Variants in ERBB4 observed in about 807,000 individuals in gnomAD.
ERBB4 encodes the protein erb-b2 receptor tyrosine kinase 4.
A neutral mutation model predicts 158.0 loss-of-function variants in ERBB4; 42 were observed. That is an observed-to-expected ratio of 0.27 (90% confidence interval 0.21 to 0.34). The LOEUF is 0.34. ERBB4 is among the 10% of genes least tolerant of loss of function. The pLI is 1.00. For missense variants in ERBB4, 1,333 were observed against 1,624.1 expected (o/e 0.82, Z 3.08); for synonymous variants, 583 against 558.7 (o/e 1.04, Z -0.61).
chr2:211,481,649 C>T (rs182003046), intron 20 of ERBB4, among the ~76,000 whole-genome samples: 2 of 151,792 alleles, frequency 1.3e-5, no homozygotes, highest in East Asian at 3.9e-4. Flanking sequence ...TGAGGAGCTG[C>T]TTCTTAAGTG....
chr2:212,327,493 CAGTT>C (rs1167348064), intron 1 of ERBB4, among the ~76,000 whole-genome samples: 2 of 151,704 alleles, frequency 1.3e-5, no homozygotes, highest in African/African-American at 2.4e-5. Context: ...AACCCAGACT[CAGTT>C]AGTGCTCAAG....
chr2:211,884,150 A>G (rs1488152797), intron 3 of ERBB4, among the ~76,000 whole-genome samples: 2 of 152,168 alleles, frequency 1.3e-5, no homozygotes, highest in Non-Finnish European at 2.9e-5. Flanking sequence ...AAACACCTGC[A>G]TCTAATAGCA....
intron 20 of ERBB4, among the ~76,000 whole-genome samples, chr2:211,493,873 C>G (rs1455261169): frequency 6.6e-6 from 1 of 152,112 alleles, no homozygotes; most frequent in Non-Finnish European, 1.5e-5. Context: ...ATCTCAGAAT[C>G]TGATAAAAAC....
At chr2:211,928,095 C>T (rs985025572) in intron 3 of ERBB4, among the ~76,000 whole-genome samples, 3 of 152,008 alleles carry the variant, frequency 2.0e-5, no homozygotes, top group African/African-American at 7.2e-5. Flanking sequence ...ACGTAGGTCA[C>T]GCACCTGGAA....
chr2:211,520,578 G>A (rs10804196), intron 20 of ERBB4, among the ~76,000 whole-genome samples: 68,900 of 151,830 alleles, frequency 0.45, 15,845 homozygotes, highest in East Asian at 0.68. Context: ...AAACCCTACA[G>A]TATTTATTAT....
chr2:212,102,251 TTATC>T (rs1378698077), intron 2 of ERBB4, among the ~76,000 whole-genome samples: 1 of 151,730 alleles, frequency 6.6e-6, no homozygotes, highest in East Asian at 1.9e-4. Flanking sequence ...AACAACTCAT[TTATC>T]TATTGATTTT....
chr2:211,888,820 C>A (rs540919815), intron 3 of ERBB4, among the ~76,000 whole-genome samples: 4 of 151,410 alleles, frequency 2.6e-5, no homozygotes, highest in Non-Finnish European at 5.9e-5. Flanking sequence ...CACTCCCACC[C>A]GAATATTGCG....
chr2:211,673,341 T>C (rs2071918895), intron 13 of ERBB4, 84 bp from the exon 14 acceptor site: 3 of 938,112 alleles, frequency 3.2e-6, no homozygotes, highest in Admixed American at 1.9e-5. Context: ...AAAAGTCCTA[T>C]TGGCAGAGTA....
chr2:212,003,212 A>AGACAGACG lies in ERBB4; in HGVS notation c.235-55597_235-55596insCGTCTGTC, dbSNP rs2076173085. On this transcript the variant is annotated intron_variant, in intron 2 of 27. Transcript: ENST00000342788. ...AAGAAAGAAAGAAAGAAAGACAGAAAGAAGGAAGGAAGGAAGGAAGGAAGG... is the reference window on the plus strand; with the variant it reads ...AAGAAAGAAAGAAAGAAAGACAGAAAGACAGACGGAAGGAAGGAAGGAAGGAAGGAAGG... Among the ~76,000 whole-genome samples, 9 of 40,480 alleles carry AGACAGACG rather than the reference A, an allele frequency of 2.2e-4. 1 individual carries two copies. The highest frequency in any genetic ancestry group is 5.8e-4 in the African/African-American group (9 of 15,646). The allele number at this position is 40,480 out of a possible 152,430, so 26.6% of individuals were successfully genotyped here. A position where few individuals can be genotyped will look rare whatever the true frequency, so the allele number is the denominator to read the frequency against.
chr2:211,940,120 G>T (rs1252053992), intron 3 of ERBB4, among the ~76,000 whole-genome samples: 2 of 152,128 alleles, frequency 1.3e-5, no homozygotes, highest in East Asian at 1.9e-4. Flanking sequence ...GCATTGTTGT[G>T]CCTCCCTTGG....
At chr2:212,199,352 A>C (rs2082524929) in intron 1 of ERBB4, among the ~76,000 whole-genome samples, 1 of 152,188 alleles carries the variant, frequency 6.6e-6, no homozygotes, top group Non-Finnish European at 1.5e-5. Context: ...AGCTTCTTAT[A>C]ATTTGAATGA....
intron 1 of ERBB4, among the ~76,000 whole-genome samples, chr2:212,193,759 A>T (rs948382229): frequency 6.6e-6 from 1 of 152,074 alleles, no homozygotes; most frequent in Non-Finnish European, 1.5e-5. Context: ...TCTTACTTTA[A>T]TCTATCAATA....
At chr2:211,436,232 T>C (rs1387211772) in intron 20 of ERBB4, among the ~76,000 whole-genome samples, 67 of 152,338 alleles carry the variant, frequency 4.4e-4, no homozygotes, top group African/African-American at 1.3e-3. Context: ...ATTTTTTAAT[T>C]TATATTTTAA....
chr2:211,772,466 A>C (rs1044314555), intron 4 of ERBB4, among the ~76,000 whole-genome samples: 1 of 151,954 alleles, frequency 6.6e-6, no homozygotes, highest in Non-Finnish European at 1.5e-5. Flanking sequence ...AATGAGAGGC[A>C]AAAAGACCTA....
Position 212,538,656 on chromosome 2 carries a change from G to C in ERBB4, c.-126C>G. The C allele has an allele frequency of 1.1e-6, 1 of 914,910 alleles. No homozygotes were observed. Among genetic ancestry groups the C allele is most frequent in the Non-Finnish European group, 1.7e-6 (1 of 587,874 alleles). The allele number at this position is 914,910 out of a possible 1,614,324, so 56.7% of individuals were successfully genotyped here. A position where few individuals can be genotyped will look rare whatever the true frequency, so the allele number is the denominator to read the frequency against. ...GGTGCGAGGGGGGCGGGCGCGGCGC[G>C]CGCGGTGTGGCGACTCCCAGGGCGG... is the stretch of plus-strand genomic sequence containing the variant. On this transcript the variant is annotated 5_prime_UTR_variant, in exon 1 of 28. Coordinates refer to ENST00000342788, the MANE Select transcript of ERBB4 (RefSeq NM_005235.3).
intron 1 of ERBB4, among the ~76,000 whole-genome samples, chr2:212,456,912 A>T (rs1349565544): frequency 6.6e-6 from 1 of 151,924 alleles, no homozygotes; most frequent in African/African-American, 2.4e-5. Flanking sequence ...TCCCCTAAAT[A>T]TTCCATATTT....
At chr2:211,593,805 C>T (rs930495267) in intron 19 of ERBB4, among the ~76,000 whole-genome samples, 2 of 152,278 alleles carry the variant, frequency 1.3e-5, no homozygotes, top group African/African-American at 4.8e-5. Flanking sequence ...GGCAAACAGC[C>T]TTCATTCACC....
chr2:212,168,587 C>T lies in ERBB4; in HGVS notation c.83-43684G>A, dbSNP rs1001685786. On this transcript the variant is annotated intron_variant, in intron 1 of 27. Coordinates refer to ENST00000342788, the MANE Select transcript of ERBB4 (RefSeq NM_005235.3). ...TTAGATATATCAGCAAATTAGGATA[C>T]GAGTACCCTGTGGAGGGAAAATTAA... Among the ~76,000 whole-genome samples the T allele has an allele frequency of 9.2e-5, 14 of 152,042 alleles. 1 individual carries two copies. Among genetic ancestry groups the T allele is most frequent in the African/African-American group, 3.1e-4 (13 of 41,406 alleles).
intron 20 of ERBB4, among the ~76,000 whole-genome samples, chr2:211,514,420 A>G (rs10164847): frequency 0.59 from 90,111 of 151,652 alleles, 26,989 homozygotes; most frequent in African/African-American, 0.63. Context: ...TAGGCTTTTT[A>G]GCATCTTCCA....
Sources: allele counts gnomAD v4.1 joint callset (sites outside exome capture counted in the v4.1 genomes callset), GRCh38; gene constraint gnomAD v4.1.1; transcripts MANE v1.5; gene names NCBI Gene and HGNC (gene_info 2026-07-23, HGNC 2026-07-21).